Variants in YAP1 observed in about 807,000 individuals in gnomAD.
YAP1 encodes the protein transcriptional coactivator YAP1.
Under a neutral mutation model 56.9 loss-of-function variants are expected in YAP1, and 5 were observed. The ratio of observed to expected loss-of-function variants is 0.09; its 90% CI spans 0.05 to 0.18. The LOEUF (loss-of-function observed/expected upper bound fraction) is 0.18, where lower values mean the gene tolerates loss of function less well. YAP1 is among the 10% of genes least tolerant of loss of function. YAP1 has a pLI of 1.00. For missense variants in YAP1, 539 were observed against 651.8 expected (o/e 0.83, Z 1.88); for synonymous variants, 265 against 248.1 (o/e 1.07, Z -0.64).
chr11:102,193,305 CTT>C (rs1948393955), intron 4 of YAP1, among the ~76,000 whole-genome samples: 1 of 152,056 alleles, frequency 6.6e-6, no homozygotes, highest in Non-Finnish European at 1.5e-5. Context: ...TAGTTCCACA[CTT>C]GAGCTCTGCA....
intron 1 of YAP1, chr11:102,112,507 C>T (rs1943015659): frequency 2.1e-6 from 2 of 962,982 alleles, no homozygotes; most frequent in Non-Finnish European, 2.4e-6. Context: ...AATAGGTTTT[C>T]CAAATACTGC....
At chr11:102,214,443 C>T (rs184288414) in intron 6 of YAP1, among the ~76,000 whole-genome samples, 3 of 152,258 alleles carry the variant, frequency 2.0e-5, no homozygotes, top group Admixed American at 2.0e-4. Flanking sequence ...TTAATGAGAA[C>T]AAAATAATAC....
chr11:102,227,337 C>T, intron 7 of YAP1, 132 bp from the exon 8 acceptor site: 1 of 656,574 alleles, frequency 1.5e-6, no homozygotes, highest in Non-Finnish European at 2.7e-6. Flanking sequence ...GTGCTTGTTT[C>T]AGACATTGCA....
intron 2 of YAP1, among the ~76,000 whole-genome samples, chr11:102,118,380 A>G (rs1399779891): frequency 6.6e-6 from 1 of 152,080 alleles, no homozygotes; most frequent in Non-Finnish European, 1.5e-5. Context: ...ATTGCATGGC[A>G]TAAAACTACC....
chr11:102,149,013 T>G (rs141710896), intron 2 of YAP1, among the ~76,000 whole-genome samples: 122 of 152,302 alleles, frequency 8.0e-4, no homozygotes, highest in Middle Eastern at 3.4e-3. Flanking sequence ...TACTGCTTTG[T>G]GTGGTATTCT....
intron 7 of YAP1, 138 bp downstream of exon 7, chr11:102,223,890 G>A: frequency 8.7e-7 from 1 of 1,145,286 alleles, no homozygotes; most frequent in Non-Finnish European, 1.2e-6. Context: ...CTCTGTAAAT[G>A]GCAAGTACAT....
At chr11:102,153,468 T>TGTCA (rs1290847746) in intron 2 of YAP1, among the ~76,000 whole-genome samples, 1 of 152,222 alleles carries the variant, frequency 6.6e-6, no homozygotes, top group African/African-American at 2.4e-5. Flanking sequence ...TTCTTAGGTA[T>TGTCA]GTCAGTCTTC....
At chr11:102,133,750 G>A (rs1944509679) in intron 2 of YAP1, among the ~76,000 whole-genome samples, 1 of 152,166 alleles carries the variant, frequency 6.6e-6, no homozygotes, top group Non-Finnish European at 1.5e-5. Context: ...AAGCCACATG[G>A]AGGTCATTTA....
chr11:102,190,773 T>C (rs1007526102), intron 4 of YAP1, among the ~76,000 whole-genome samples: 3 of 151,828 alleles, frequency 2.0e-5, no homozygotes, highest in African/African-American at 7.3e-5. Context: ...CCCCGTCTAC[T>C]AAAAATGCAA....
chr11:102,207,131 A>T (rs1949161710), intron 5 of YAP1, among the ~76,000 whole-genome samples: 1 of 152,148 alleles, frequency 6.6e-6, no homozygotes, highest in South Asian at 2.1e-4. Context: ...AGATATTTTT[A>T]AATTTCCATA....
intron 3 of YAP1, among the ~76,000 whole-genome samples, chr11:102,163,710 G>C (rs1381510777): frequency 6.6e-6 from 1 of 152,192 alleles, no homozygotes; most frequent in Non-Finnish European, 1.5e-5. Flanking sequence ...GCAAGGGACT[G>C]TTGTGGTTGG....
chr11:102,179,408 G>C (rs1003217646), intron 3 of YAP1, among the ~76,000 whole-genome samples: 2 of 152,134 alleles, frequency 1.3e-5, no homozygotes, highest in Non-Finnish European at 2.9e-5. Flanking sequence ...TGGAATTACT[G>C]TTTAATAATG....
rs1335448589 is a variant in YAP1 at position 102,231,767 on chromosome 11, A to G, written c.*1827A>G. Reference sequence around the variant, plus strand: ...AAGCCCTTATTTTCAAGGGTTCATAACAGGCATAAAATCTCTTCTCCTGGC... The same window carrying G: ...AAGCCCTTATTTTCAAGGGTTCATAGCAGGCATAAAATCTCTTCTCCTGGC... On this transcript the variant is annotated 3_prime_UTR_variant, in exon 9 of 9. Transcript: ENST00000282441. 1 of 152,642 alleles carries G rather than the reference A, an allele frequency of 6.6e-6. No homozygotes were observed. The highest frequency in any genetic ancestry group is 1.9e-4 in the East Asian group (1 of 5,198). The allele number at this position is 152,642 out of a possible 1,614,324, so 9.5% of individuals were successfully genotyped here. A position where few individuals can be genotyped will look rare whatever the true frequency, so the allele number is the denominator to read the frequency against.
intron 4 of YAP1, among the ~76,000 whole-genome samples, chr11:102,193,285 A>G (rs1011730894): frequency 3.3e-5 from 5 of 152,134 alleles, no homozygotes; most frequent in Non-Finnish European, 5.9e-5. Context: ...TATAGAATAG[A>G]TTTCAAAATT....
Position 102,169,303 on chromosome 11 carries a change from T to TTTGTA in YAP1, c.688+6732_688+6733insTTGTA, listed in dbSNP as rs1946776365. Among the ~76,000 whole-genome samples the TTTGTA allele has an allele frequency of 3.3e-5, 5 of 152,240 alleles. No individual in the cohort carries two copies. The South Asian group carries it at 6.2e-4, about 19-fold the overall frequency. On this transcript the variant is annotated intron_variant, in intron 3 of 8. Transcript: ENST00000282441. ...ATTTTAGAATTTAATCAGTTTGTAA[T>TTTGTA]ACCTGGTAGCCACTGTTACTTTGTT...
intron 3 of YAP1, among the ~76,000 whole-genome samples, chr11:102,173,880 G>A (rs1173690229): frequency 6.6e-6 from 1 of 152,234 alleles, no homozygotes; most frequent in African/African-American, 2.4e-5. Flanking sequence ...TATTGTTAAA[G>A]TTTGAGTTAA....
intron 2 of YAP1, among the ~76,000 whole-genome samples, chr11:102,135,866 C>T (rs191199363): frequency 9.2e-5 from 14 of 152,252 alleles, no homozygotes; most frequent in Admixed American, 5.2e-4. Context: ...TTGTGGGACT[C>T]GTGAATGTTA....
At chr11:102,116,926 G>A (rs996864403) in intron 2 of YAP1, among the ~76,000 whole-genome samples, 1 of 152,204 alleles carries the variant, frequency 6.6e-6, no homozygotes, top group Non-Finnish European at 1.5e-5. Flanking sequence ...AACATTGGAT[G>A]TGGGAGAAGA....
In YAP1 at chr11:102,229,563, C is replaced by T. The variant is rs1950363577; in HGVS notation, c.1277-139C>T. ...ATTTTGTTATCTGTGAGTTGTTTGACCTGATATAAATTCTAGGTATCAGTT... is the reference window on the plus strand; with the variant it reads ...ATTTTGTTATCTGTGAGTTGTTTGATCTGATATAAATTCTAGGTATCAGTT... On this transcript the variant is annotated intron_variant, in intron 8 of 8. Transcript: ENST00000282441. 4.3e-6 allele frequency: 3 copies of T among 694,608 alleles called. No homozygotes were observed. In the Admixed American group the frequency reaches 8.5e-5, roughly 20 times the overall value. 43.0% of individuals were successfully genotyped at this position (694,608 alleles called of 1,614,324 possible). A position where few individuals can be genotyped will look rare whatever the true frequency, so the allele number is the denominator to read the frequency against.
Sources: allele counts gnomAD v4.1 joint callset (sites outside exome capture counted in the v4.1 genomes callset), GRCh38; gene constraint gnomAD v4.1.1; transcripts MANE v1.5; gene names NCBI Gene and HGNC (gene_info 2026-07-23, HGNC 2026-07-21).